SMIM8: variants seen among roughly 807,000 people sequenced by gnomAD.
SMIM8 encodes UPF0708 protein C6orf162.
A neutral mutation model predicts 8.1 loss-of-function variants in SMIM8; 8 were observed. That is an observed-to-expected ratio of 0.99 (90% confidence interval 0.58 to 1.78). The LOEUF is 1.78. SMIM8 is among the 40% of genes most tolerant of loss of function. SMIM8 has a pLI of 0.00. For synonymous variants in SMIM8, 45 were observed against 39.7 expected, an observed-to-expected ratio of 1.13 and a Z score of -0.50; for missense variants, 126 against 119.8, an observed-to-expected ratio of 1.05 and a Z score of -0.24.
At chr6:87,336,185 T>G (rs1027475820) in intron 2 of SMIM8, among the ~76,000 whole-genome samples, 7 of 152,200 alleles carry the variant, frequency 4.6e-5, no homozygotes, top group African/African-American at 1.2e-4. Flanking sequence ...TTGGAAGCTT[T>G]CTTTCTCTAC....
intron 2 of SMIM8, among the ~76,000 whole-genome samples, chr6:87,335,908 G>A (rs1777105511): frequency 6.6e-6 from 1 of 151,038 alleles, no homozygotes; most frequent in African/African-American, 2.4e-5. Flanking sequence ...TAGCTACCTG[G>A]GAGGTTGAGG....
intron 1 of SMIM8, among the ~76,000 whole-genome samples, chr6:87,328,265 C>A (rs575467201): frequency 6.6e-6 from 1 of 151,638 alleles, no homozygotes; most frequent in Admixed American, 6.6e-5. Context: ...CAAAGTCATT[C>A]TCCGTCCAAC....
rs1777253550 is a variant in SMIM8 at position 87,342,306 on chromosome 6, A to G, written c.*2032A>G. On this transcript the variant is annotated 3_prime_UTR_variant, in exon 4 of 4. Coordinates refer to ENST00000392863, the MANE Select transcript of SMIM8 (RefSeq NM_001042493.3). ...GAATGAGGGTATAACCATCAAAAAT[A>G]AAATACCTTTCAAATAGTCCAAAGA... 6.6e-6 allele frequency: 1 copy of G among 152,202 alleles called. No individual in the cohort carries two copies. The highest frequency in any genetic ancestry group is 2.1e-4 in the South Asian group (1 of 4,832). 9.4% of individuals were successfully genotyped at this position (152,202 alleles called of 1,614,324 possible). A position where few individuals can be genotyped will look rare whatever the true frequency, so the allele number is the denominator to read the frequency against.
chr6:87,338,325 C>T (rs979261682), intron 3 of SMIM8, among the ~76,000 whole-genome samples: 43 of 152,088 alleles, frequency 2.8e-4, no homozygotes, highest in African/African-American at 1.0e-3. Flanking sequence ...AGGACTGCAG[C>T]CTGGGAAACA....
rs180983050 is a variant in SMIM8 at position 87,340,002 on chromosome 6, A to G, written c.136-114A>G. On this transcript the variant is annotated intron_variant, in intron 3 of 3. Transcript: ENST00000392863. ...ATTTTAATTGAAATATTGCCATGGT[A>G]ATGCTAGTGTTGTAATAAAGATGTG... is the stretch of plus-strand genomic sequence containing the variant. 213 of 691,124 alleles carry G rather than the reference A, an allele frequency of 3.1e-4. 3 individuals are homozygous for G. In the Admixed American group the frequency reaches 7.0e-3, roughly 23 times the overall value. The allele number at this position is 691,124 out of a possible 1,614,324, so 42.8% of individuals were successfully genotyped here. A position where few individuals can be genotyped will look rare whatever the true frequency, so the allele number is the denominator to read the frequency against.
chr6:87,328,092 G>GT (rs1240826949), intron 1 of SMIM8, among the ~76,000 whole-genome samples: 1 of 152,114 alleles, frequency 6.6e-6, no homozygotes, highest in East Asian at 1.9e-4. Context: ...TTGAGCCTTG[G>GT]TTTTCAGCTC....
At chr6:87,335,008 G>A (rs1331591152) in intron 2 of SMIM8, among the ~76,000 whole-genome samples, 2 of 152,184 alleles carry the variant, frequency 1.3e-5, no homozygotes, top group East Asian at 1.9e-4. Context: ...GGTACAGTTG[G>A]CACAGTGACA....
At chr6:87,336,178 G>A (rs1355083878) in intron 2 of SMIM8, among the ~76,000 whole-genome samples, 2 of 152,064 alleles carry the variant, frequency 1.3e-5, no homozygotes, top group Non-Finnish European at 2.9e-5. Flanking sequence ...TCCATCTTTG[G>A]AAGCTTTCTT....
intron 1 of SMIM8, among the ~76,000 whole-genome samples, chr6:87,326,001 G>C (rs1228721853): frequency 6.6e-6 from 1 of 152,172 alleles, no homozygotes; most frequent in Non-Finnish European, 1.5e-5. Flanking sequence ...TTGGGAGAGT[G>C]TATGTGTCGA....
intron 1 of SMIM8, among the ~76,000 whole-genome samples, chr6:87,325,813 A>G (rs534763829): frequency 3.9e-5 from 6 of 152,170 alleles, no homozygotes; most frequent in Admixed American, 6.5e-5. Context: ...CTCTTTTTCT[A>G]TTGATTGGAA....
Position 87,340,490 on chromosome 6 carries a change from TCTTTC to T in SMIM8, c.*220_*224del. ...CACAGAGTGAGCGTCATAATATTTT[TCTTTC>T]CTTACCTCTTATAAAAGTGCCATGA... On this transcript the variant is annotated 3_prime_UTR_variant, in exon 4 of 4. Transcript: ENST00000392863. 1 of 342,726 alleles carries T rather than the reference TCTTTC, an allele frequency of 2.9e-6. No homozygotes were observed. Among genetic ancestry groups the T allele is most frequent in the Non-Finnish European group, 5.1e-6 (1 of 195,978 alleles). The allele number at this position is 342,726 out of a possible 1,614,324, so 21.2% of individuals were successfully genotyped here. A position where few individuals can be genotyped will look rare whatever the true frequency, so the allele number is the denominator to read the frequency against.
intron 1 of SMIM8, among the ~76,000 whole-genome samples, chr6:87,327,137 C>A (rs549256006): frequency 1.3e-5 from 2 of 151,320 alleles, no homozygotes; most frequent in Non-Finnish European, 2.9e-5. Context: ...TTCCTCCATC[C>A]TTTTATTTTG....
chr6:87,336,590 G>T (rs1004313081), intron 2 of SMIM8, among the ~76,000 whole-genome samples: 9 of 152,112 alleles, frequency 5.9e-5, no homozygotes, highest in African/African-American at 2.2e-4. Context: ...AGGAATGCTG[G>T]TCATTCTCTC....
intron 1 of SMIM8, among the ~76,000 whole-genome samples, chr6:87,327,024 G>T: frequency 7.2e-6 from 1 of 138,312 alleles, no homozygotes; most frequent in African/African-American, 2.8e-5. Flanking sequence ...TTATGTAATG[G>T]CCTTCTTTGT....
chr6:87,339,752 C>T (rs1197024050), intron 3 of SMIM8, among the ~76,000 whole-genome samples: 1 of 152,090 alleles, frequency 6.6e-6, no homozygotes, highest in African/African-American at 2.4e-5. Context: ...GCCCAGGACC[C>T]AGGAAGTTAA....
intron 2 of SMIM8, among the ~76,000 whole-genome samples, chr6:87,335,845 C>CAAAAAAAAAA (rs35840147): frequency 3.6e-5 from 2 of 55,962 alleles, no homozygotes; most frequent in African/African-American, 7.3e-5. Context: ...CCGTCCCTAC[C>CAAAAAAAAAA]AAAAAAAAAA....
intron 3 of SMIM8, among the ~76,000 whole-genome samples, chr6:87,339,076 G>A (rs969461393): frequency 1.3e-5 from 2 of 151,972 alleles, no homozygotes; most frequent in Non-Finnish European, 2.9e-5. Flanking sequence ...ACACCAAGGT[G>A]GGCGGATCAC....
chr6:87,330,010 C>T (rs888681424), intron 1 of SMIM8, among the ~76,000 whole-genome samples: 1 of 152,168 alleles, frequency 6.6e-6, no homozygotes, highest in South Asian at 2.1e-4. Context: ...AGAGTTGTCA[C>T]TTAAAGACAC....
rs746244818 is a variant in SMIM8 at position 87,342,312 on chromosome 6, C to A, written c.*2038C>A. 5.3e-5 allele frequency: 8 copies of A among 152,124 alleles called. No homozygotes were observed. Among genetic ancestry groups the A allele is most frequent in the Non-Finnish European group, 7.4e-5 (5 of 68,014 alleles). 9.4% of individuals were successfully genotyped at this position (152,124 alleles called of 1,614,324 possible). A position where few individuals can be genotyped will look rare whatever the true frequency, so the allele number is the denominator to read the frequency against. On this transcript the variant is annotated 3_prime_UTR_variant, in exon 4 of 4. Coordinates refer to ENST00000392863, the MANE Select transcript of SMIM8 (RefSeq NM_001042493.3). ...GGGTATAACCATCAAAAATAAAATA[C>A]CTTTCAAATAGTCCAAAGATTCTGA...
Sources: allele counts gnomAD v4.1 joint callset (sites outside exome capture counted in the v4.1 genomes callset), GRCh38; gene constraint gnomAD v4.1.1; transcripts MANE v1.5; gene names NCBI Gene and HGNC (gene_info 2026-07-23, HGNC 2026-07-21).